CYP2J2: variants seen among roughly 807,000 people sequenced by gnomAD.
The protein encoded by CYP2J2 is cytochrome P450 family 2 subfamily J member 2.
In CYP2J2, 41 loss-of-function variants were observed where a neutral mutation model predicts 48.8. The ratio of observed to expected loss-of-function variants is 0.84; its 90% confidence interval spans 0.66 to 1.09. The LOEUF (loss-of-function observed/expected upper bound fraction) is 1.09, where lower values mean the gene tolerates loss of function less well. Among genes scored for constraint, CYP2J2 ranks in the 50% least tolerant of loss-of-function variants. CYP2J2 has a pLI of 0.00. For synonymous variants in CYP2J2, 221 were observed against 227.1 expected (o/e 0.97, Z 0.24); for missense variants, 644 against 617.3 (o/e 1.04, Z -0.46).
chr1:59,959,878 G>GACTTT, the CYP2J2 span, among the ~76,000 whole-genome samples: 10 of 152,202 alleles, frequency 6.6e-5, no homozygotes, highest in East Asian at 1.2e-3. Context: ...TGACACAATG[G>GACTTT]ACTTTGGGGA....
Position 59,909,940 on chromosome 1 carries a change from C to A in CYP2J2, c.705G>T (p.Trp235Cys). The A allele has an allele frequency of 1.2e-6, 2 of 1,608,264 alleles. No individual in the cohort carries two copies. The highest frequency in any genetic ancestry group is 8.5e-7 in the Non-Finnish European group (1 of 1,178,248). ...GGGGTCCAGGCAGGAATTTCATTAT[C>A]CATGGAAAGACATTGTAGAGCTAAT... ...KTCQLYNVFP[W>C]IMKFLPGPHQ... Residue 235 changes from tryptophan to cysteine, a missense_variant, in exon 5 of 9, where the codon TGG becomes TGT. Trp to Cys is a radical substitution (Grantham distance 215, BLOSUM62 -2). Coordinates refer to ENST00000371204, the MANE Select transcript of CYP2J2 (RefSeq NM_000775.4).
intron 1 of CYP2J2, among the ~76,000 whole-genome samples, chr1:59,917,083 G>A (rs575671478): frequency 1.2e-4 from 18 of 152,082 alleles, no homozygotes; most frequent in African/African-American, 2.2e-4. Context: ...AATCGTTTTC[G>A]GCTCTTGCGG....
intron 8 of CYP2J2, among the ~76,000 whole-genome samples, chr1:59,896,015 A>G (rs1644265620): frequency 6.6e-6 from 1 of 152,146 alleles, no homozygotes; most frequent in Non-Finnish European, 1.5e-5. Flanking sequence ...TCCAGATTTG[A>G]CCATTAGATG....
intron 7 of CYP2J2, among the ~76,000 whole-genome samples, 153 bp from the exon 8 acceptor site, chr1:59,901,256 C>A (rs892920382): frequency 2.6e-5 from 4 of 152,204 alleles, no homozygotes; most frequent in African/African-American, 9.7e-5. Flanking sequence ...TGTCCCCCAA[C>A]CCAGGACCCT....
At chr1:59,967,357 C>G in the CYP2J2 span, among the ~76,000 whole-genome samples, 4 of 152,324 alleles carry the variant, frequency 2.6e-5, no homozygotes, top group Admixed American at 2.6e-4. Flanking sequence ...AAAGCATGAG[C>G]CTGTCGGCTG....
At chr1:59,955,702 A>T in the CYP2J2 span, among the ~76,000 whole-genome samples, 1 of 152,176 alleles carries the variant, frequency 6.6e-6, no homozygotes, top group Non-Finnish European at 1.5e-5. Context: ...CTGGGCTAGA[A>T]CGCATAAACT....
chr1:59,927,169 C>T (rs900746894), upstream of CYP2J2, among the ~76,000 whole-genome samples: 6 of 152,034 alleles, frequency 3.9e-5, no homozygotes, highest in Non-Finnish European at 7.4e-5. Context: ...GAGAAGCTCT[C>T]GGTAGTCTCA....
chr1:59,938,189 G>A, the CYP2J2 span, among the ~76,000 whole-genome samples: 3 of 152,164 alleles, frequency 2.0e-5, no homozygotes, highest in Non-Finnish European at 4.4e-5. Context: ...ACACCTGTGG[G>A]TATTTCTCAT....
intron 7 of CYP2J2, among the ~76,000 whole-genome samples, chr1:59,903,162 T>A (rs1221825522): frequency 6.6e-6 from 1 of 152,220 alleles, no homozygotes; most frequent in East Asian, 1.9e-4. Flanking sequence ...TTCCTGGCTC[T>A]GCAGGGATAG....
At chr1:59,917,468 A>C (rs1404122020) in intron 1 of CYP2J2, among the ~76,000 whole-genome samples, 6 of 152,230 alleles carry the variant, frequency 3.9e-5, no homozygotes, top group Non-Finnish European at 7.3e-5. Flanking sequence ...ACAACACAGC[A>C]AAGGTGACAA....
the CYP2J2 span, among the ~76,000 whole-genome samples, chr1:59,945,448 A>C: frequency 6.6e-6 from 1 of 150,426 alleles, no homozygotes; most frequent in Non-Finnish European, 1.5e-5. Context: ...CTATCTCTCT[A>C]TCTATCTATG....
Position 59,912,231 on chromosome 1 carries a change from T to C in CYP2J2, c.454A>G (p.Lys152Glu), listed in dbSNP as rs2102125134. The C allele has an allele frequency of 1.2e-6, 2 of 1,613,966 alleles. No individual in the cohort carries two copies. Among genetic ancestry groups the C allele is most frequent in the East Asian group, 4.5e-5 (2 of 44,880 alleles). ...LTALRNFGLGKKSLEERIQEE... is the reference protein window; with the variant it reads ...LTALRNFGLGEKSLEERIQEE... ...TGAATGCGTTCCTCTAAGCTCTTCT[T>C]TCCTAAACCAAAGTTCCTTAGTGCT... Residue 152 changes from lysine (K) to glutamate (E), a missense_variant, in exon 3 of 9, where the codon AAG becomes GAG. Coordinates refer to ENST00000371204, the MANE Select transcript of CYP2J2 (RefSeq NM_000775.4).
the CYP2J2 span, among the ~76,000 whole-genome samples, chr1:59,935,120 G>A: frequency 6.8e-6 from 1 of 147,604 alleles, no homozygotes; most frequent in Non-Finnish European, 1.5e-5. Flanking sequence ...ATGGACGAAT[G>A]TGGAGGACAT....
the CYP2J2 span, among the ~76,000 whole-genome samples, chr1:59,951,818 T>C: frequency 1.3e-5 from 2 of 152,180 alleles, no homozygotes; most frequent in Non-Finnish European, 2.9e-5. Context: ...TGGCCCTTGG[T>C]GTAATACCAT....
At chr1:59,929,479 A>G (rs1021606379), upstream of CYP2J2, among the ~76,000 whole-genome samples, 1 of 152,234 alleles carries the variant, frequency 6.6e-6, no homozygotes, top group East Asian at 1.9e-4. Flanking sequence ...ACTTAATTAT[A>G]AATATGTCCA....
At chr1:59,896,232 G>T (rs1046712485) in intron 8 of CYP2J2, among the ~76,000 whole-genome samples, 1 of 151,848 alleles carries the variant, frequency 6.6e-6, no homozygotes, top group African/African-American at 2.4e-5. Context: ...ATATCAGTGG[G>T]CAGAGCTAAG....
chr1:59,930,696 CA>C (rs1399915688), upstream of CYP2J2, among the ~76,000 whole-genome samples: 2 of 151,798 alleles, frequency 1.3e-5, no homozygotes, highest in Non-Finnish European at 1.5e-5. Flanking sequence ...AAAAAAGTGT[CA>C]GCCAAGAATC....
chr1:59,967,792 C>T, the CYP2J2 span, among the ~76,000 whole-genome samples: 1 of 152,204 alleles, frequency 6.6e-6, no homozygotes, highest in Admixed American at 6.5e-5. Flanking sequence ...TTTGTAAGTA[C>T]TGAAATACTG....
intron 8 of CYP2J2, among the ~76,000 whole-genome samples, chr1:59,894,304 T>C (rs1282773263): frequency 1.3e-5 from 2 of 152,196 alleles, no homozygotes; most frequent in Non-Finnish European, 2.9e-5. Flanking sequence ...CTGTGCCACT[T>C]TTCCTCCTTA....
Sources: gnomAD v4.1 joint callset for allele counts (sites outside exome capture counted in the v4.1 genomes callset) on GRCh38, gnomAD v4.1.1 for gene constraint, MANE v1.5 for transcripts, NCBI Gene and HGNC (gene_info 2026-07-23, HGNC 2026-07-21) for gene names.